MARCHF1: variants seen among roughly 807,000 people sequenced by gnomAD.
The protein encoded by MARCHF1 is membrane associated ring-CH-type finger 1, also known as E3 ubiquitin-protein ligase MARCHF1.
MARCHF1 carries 40 observed loss-of-function variants against 54.2 expected under a neutral mutation model. The ratio of observed to expected loss-of-function variants is 0.74; its 90% confidence interval spans 0.57 to 0.96. The LOEUF (loss-of-function observed/expected upper bound fraction) is 0.96. Ranked by LOEUF, MARCHF1 falls within the 40% of genes least tolerant of loss-of-function variation. The pLI, the probability that MARCHF1 is intolerant of heterozygous loss-of-function variation, is 0.00. For synonymous variants in MARCHF1, 236 were observed against 236.3 expected (o/e 1.00, Z 0.01); for missense variants, 586 against 656.5 (o/e 0.89, Z 1.17).
chr4:164,194,051 A>G (rs895574736), intron 1 of MARCHF1, among the ~76,000 whole-genome samples: 8 of 152,178 alleles, frequency 5.3e-5, no homozygotes, highest in Admixed American at 5.2e-4. Context: ...GGTAATGTCA[A>G]CCAGAATCAT....
At chr4:163,637,177 T>C (rs1032714684) in intron 5 of MARCHF1, among the ~76,000 whole-genome samples, 3 of 152,032 alleles carry the variant, frequency 2.0e-5, no homozygotes, top group African/African-American at 7.3e-5. Flanking sequence ...ATTCAGGACA[T>C]AGGCATGGGC....
Position 163,619,272 on chromosome 4 carries a change from G to A in MARCHF1, c.163-5879C>T, listed in dbSNP as rs111681713. ...TCATTTTGGCAGCTGAGAATTGGAA[G>A]GTTCAGGGTTGTCTGAAAGCAAAGA... is the stretch of plus-strand genomic sequence containing the variant. On this transcript the variant is annotated intron_variant, in intron 5 of 9. Transcript: ENST00000514618. Among the ~76,000 whole-genome samples the A allele has an allele frequency of 4.0e-4, 61 of 152,284 alleles. 1 individual carries two copies. The highest frequency in any genetic ancestry group is 1.4e-3 in the African/African-American group (59 of 41,574).
chr4:164,170,241 A>G (rs564227983), intron 1 of MARCHF1, among the ~76,000 whole-genome samples: 1 of 152,284 alleles, frequency 6.6e-6, no homozygotes, highest in East Asian at 1.9e-4. Flanking sequence ...TAAGAGTTGA[A>G]CTACACTGTC....
chr4:163,543,083 C>T (rs984857617), intron 9 of MARCHF1, among the ~76,000 whole-genome samples: 1 of 152,032 alleles, frequency 6.6e-6, no homozygotes, highest in African/African-American at 2.4e-5. Flanking sequence ...GTCACGGGGG[C>T]AGCATAGTCC....
At position 163,756,899 on chromosome 4, in the gene MARCHF1, GA is replaced by G. The variant is rs1026033842; in HGVS notation, c.112-56037del. ...CAAATGAAAGAAAGCCAGGATATGA[GA>G]AAAAAAAGAAATGGATATATTTTTT... On this transcript the variant is annotated intron_variant, in intron 4 of 9. Transcript: ENST00000514618. Among the ~76,000 whole-genome samples, 8 of 151,514 alleles carry G rather than the reference GA, an allele frequency of 5.3e-5. No individual in the cohort carries two copies. The East Asian group carries it at 1.2e-3, about 22-fold the overall frequency.
intron 8 of MARCHF1, among the ~76,000 whole-genome samples, chr4:163,553,922 CAAG>C (rs1739198926): frequency 6.6e-6 from 1 of 152,138 alleles, no homozygotes; most frequent in African/African-American, 2.4e-5. Context: ...AGAAGCTACC[CAAG>C]AATGGATACA....
chr4:164,270,993 C>T (rs1313897661), intron 1 of MARCHF1, among the ~76,000 whole-genome samples: 1 of 151,582 alleles, frequency 6.6e-6, no homozygotes, highest in African/African-American at 2.4e-5. Context: ...AACTCATGTA[C>T]CATAATTCAT....
rs569131304 is a variant in MARCHF1, at chr4:163,937,227, G to T, written c.-39+51274C>A. Reference sequence around the variant, plus strand: ...AAATAATAAATGAAATGAGGGAAGAGAAAAAGAAATTAGTCAATACATACA... The same window carrying T: ...AAATAATAAATGAAATGAGGGAAGATAAAAAGAAATTAGTCAATACATACA... On this transcript the variant is annotated intron_variant, in intron 3 of 9. Coordinates refer to ENST00000514618, the MANE Select transcript of MARCHF1 (RefSeq NM_001394959.1). Among the ~76,000 whole-genome samples, 3 of 152,014 alleles carry T rather than the reference G, an allele frequency of 2.0e-5. 1 individual carries two copies. The South Asian group carries it at 6.2e-4, about 32-fold the overall frequency.
At chr4:163,942,989 G>A (rs1292749935) in intron 3 of MARCHF1, among the ~76,000 whole-genome samples, 2 of 150,478 alleles carry the variant, frequency 1.3e-5, no homozygotes, top group African/African-American at 2.4e-5. Context: ...TTGGCCGCAT[G>A]TATGTCTTCT....
chr4:164,279,790 A>C (rs896425853), intron 1 of MARCHF1, among the ~76,000 whole-genome samples: 2 of 151,676 alleles, frequency 1.3e-5, no homozygotes, highest in African/African-American at 4.8e-5. Flanking sequence ...AACTATTTCT[A>C]ACTAGAAGAA....
intron 2 of MARCHF1, among the ~76,000 whole-genome samples, chr4:164,069,220 GGACCAATCAGCTCTCTGTAAAACA>G (rs1416247163): frequency 1.3e-5 from 2 of 152,096 alleles, no homozygotes; most frequent in Admixed American, 1.3e-4. Context: ...CTGTCAAAAC[GGACCAATCAGCTCTCTGTAAAACA>G]GACCAATCGG....
intron 4 of MARCHF1, among the ~76,000 whole-genome samples, chr4:163,743,653 A>C (rs1436409461): frequency 6.9e-6 from 1 of 144,400 alleles, no homozygotes; most frequent in Non-Finnish European, 1.5e-5. Flanking sequence ...ATCTGGGCTC[A>C]CTGCAAGCTC....
intron 7 of MARCHF1, among the ~76,000 whole-genome samples, chr4:163,610,855 G>A (rs1560972705): frequency 6.6e-6 from 1 of 151,866 alleles, no homozygotes; most frequent in Admixed American, 6.6e-5. Context: ...CAACCTAGCT[G>A]CAATGGCAAG....
At chr4:163,779,827 GA>G (rs561133797) in intron 4 of MARCHF1, among the ~76,000 whole-genome samples, 9 of 151,032 alleles carry the variant, frequency 6.0e-5, no homozygotes, top group South Asian at 2.1e-4. Flanking sequence ...AAAAAAAGAA[GA>G]AAAAAAAACC....
At chr4:163,627,436 C>G (rs1741910365) in intron 5 of MARCHF1, among the ~76,000 whole-genome samples, 1 of 152,150 alleles carries the variant, frequency 6.6e-6, no homozygotes. Context: ...TATTCTTGCA[C>G]CCCACACTTG....
chr4:163,817,712 G>A (rs1748579323), intron 4 of MARCHF1, among the ~76,000 whole-genome samples: 1 of 151,808 alleles, frequency 6.6e-6, no homozygotes, highest in Non-Finnish European at 1.5e-5. Flanking sequence ...TTCTATTAAA[G>A]GTTTACGTAT....
At chr4:164,200,956 A>G (rs1480455052) in intron 1 of MARCHF1, among the ~76,000 whole-genome samples, 1 of 152,142 alleles carries the variant, frequency 6.6e-6, no homozygotes, top group East Asian at 1.9e-4. Context: ...CACGAGGTGG[A>G]AACAGACTAA....
At chr4:163,973,993 G>A (rs1752600898) in intron 3 of MARCHF1, among the ~76,000 whole-genome samples, 1 of 152,228 alleles carries the variant, frequency 6.6e-6, no homozygotes, top group African/African-American at 2.4e-5. Flanking sequence ...CACACTGCCT[G>A]AGTTTACATC....
chr4:164,017,501 A>G (rs2110958790), intron 2 of MARCHF1, among the ~76,000 whole-genome samples: 1 of 152,184 alleles, frequency 6.6e-6, no homozygotes, highest in Non-Finnish European at 1.5e-5. Flanking sequence ...GCAAGATGTC[A>G]ATTGTATTTA....
Sources: allele counts gnomAD v4.1 joint callset (sites outside exome capture counted in the v4.1 genomes callset), GRCh38; gene constraint gnomAD v4.1.1; transcripts MANE v1.5; gene names NCBI Gene and HGNC (gene_info 2026-07-23, HGNC 2026-07-21).